Variants in DENND1B observed in about 807,000 individuals in gnomAD.
DENND1B encodes the protein DENN domain containing 1B.
DENND1B carries 59 observed loss-of-function variants against 90.1 expected under a neutral mutation model. The observed-to-expected ratio is 0.65, with a 90% CI of 0.53 to 0.81. DENND1B has a LOEUF of 0.81. Among genes scored for constraint, DENND1B ranks in the 40% least tolerant of loss-of-function variants. The pLI, the probability that DENND1B is intolerant of heterozygous loss-of-function variation, is 0.00. For synonymous variants in DENND1B, 337 were observed against 324.6 expected (o/e 1.04, Z -0.41); for missense variants, 862 against 912.6 (o/e 0.94, Z 0.71).
intron 11 of DENND1B, among the ~76,000 whole-genome samples, chr1:197,612,761 T>C (rs1042980372): frequency 4.6e-5 from 7 of 150,636 alleles, no homozygotes; most frequent in Admixed American, 4.0e-4. Flanking sequence ...TTGGGAACAA[T>C]AATAGACAAT....
chr1:197,723,691 C>T (rs1661390153), intron 2 of DENND1B, among the ~76,000 whole-genome samples: 1 of 152,068 alleles, frequency 6.6e-6, no homozygotes, highest in South Asian at 2.1e-4. Flanking sequence ...CTTAAAGTTG[C>T]TTTAAGATCA....
intron 16 of DENND1B, among the ~76,000 whole-genome samples, chr1:197,548,177 G>A (rs1411738851): frequency 1.3e-5 from 2 of 152,096 alleles, no homozygotes; most frequent in Non-Finnish European, 2.9e-5. Context: ...GAACTATGAG[G>A]AATTTAAAAA....
chr1:197,585,897 G>T (rs1674653813), intron 14 of DENND1B, among the ~76,000 whole-genome samples: 1 of 152,140 alleles, frequency 6.6e-6, no homozygotes. Flanking sequence ...TAAAATCAAA[G>T]TTGAATTGAA....
At chr1:197,714,997 CT>C (rs769021389) in intron 3 of DENND1B, 33 bp downstream of exon 3, 2 of 1,547,318 alleles carry the variant, frequency 1.3e-6, no homozygotes, top group African/African-American at 2.7e-5. Flanking sequence ...AATACTTCAA[CT>C]TTAAATTTTT....
chr1:197,682,181 T>C (rs966457812), intron 3 of DENND1B, among the ~76,000 whole-genome samples: 3 of 152,020 alleles, frequency 2.0e-5, no homozygotes, highest in Admixed American at 2.0e-4. Context: ...TAGCTAGTTC[T>C]TATATTCTGG....
intron 17 of DENND1B, among the ~76,000 whole-genome samples, chr1:197,546,378 T>C (rs956807477): frequency 2.6e-5 from 4 of 152,126 alleles, no homozygotes; most frequent in African/African-American, 7.2e-5. Flanking sequence ...GTTTCATATT[T>C]AAAAATCATA....
chr1:197,521,024 C>T (rs1029582612), intron 20 of DENND1B, among the ~76,000 whole-genome samples: 8 of 151,754 alleles, frequency 5.3e-5, no homozygotes, highest in Non-Finnish European at 1.0e-4. Context: ...AACACTGACC[C>T]TACAGGTGGA....
intron 13 of DENND1B, among the ~76,000 whole-genome samples, chr1:197,600,146 T>A (rs1676069918): frequency 6.6e-6 from 1 of 151,852 alleles, no homozygotes; most frequent in Non-Finnish European, 1.5e-5. Flanking sequence ...TGAGCTTGGC[T>A]GGACCACAAA....
chr1:197,570,512 T>C (rs1017036145), intron 15 of DENND1B, among the ~76,000 whole-genome samples: 3 of 152,210 alleles, frequency 2.0e-5, no homozygotes, highest in African/African-American at 7.2e-5. Flanking sequence ...TCAATTTATG[T>C]CAATAAAATT....
At chr1:197,659,595 T>C (rs1306085402) in intron 5 of DENND1B, among the ~76,000 whole-genome samples, 2 of 151,916 alleles carry the variant, frequency 1.3e-5, no homozygotes, top group East Asian at 3.9e-4. Flanking sequence ...ATAAAAAGGG[T>C]ATATATTAAT....
chr1:197,660,020 C>T (rs1408126617), intron 5 of DENND1B, among the ~76,000 whole-genome samples: 3 of 151,286 alleles, frequency 2.0e-5, no homozygotes, highest in Non-Finnish European at 4.4e-5. Context: ...ATTTAATATC[C>T]TTAGGAGCTG....
At chr1:197,724,192 T>C (rs1661429064) in intron 2 of DENND1B, among the ~76,000 whole-genome samples, 1 of 152,032 alleles carries the variant, frequency 6.6e-6, no homozygotes, top group Non-Finnish European at 1.5e-5. Context: ...ACTACAAAAA[T>C]GACTTAAAGT....
intron 3 of DENND1B, among the ~76,000 whole-genome samples, chr1:197,674,524 C>T (rs1386637129): frequency 6.6e-6 from 1 of 152,082 alleles, no homozygotes; most frequent in East Asian, 1.9e-4. Flanking sequence ...CACAGTCTAG[C>T]CATAGGGACT....
At chr1:197,754,772 T>C (rs1189955111) in intron 2 of DENND1B, among the ~76,000 whole-genome samples, 1 of 151,152 alleles carries the variant, frequency 6.6e-6, no homozygotes, top group Non-Finnish European at 1.5e-5. Flanking sequence ...TAGGATACCA[T>C]GAACAGATGA....
chr1:197,536,913 T>C (rs201273725), intron 20 of DENND1B, among the ~76,000 whole-genome samples: 5 of 151,784 alleles, frequency 3.3e-5, no homozygotes, highest in Admixed American at 6.6e-5. Flanking sequence ...TGGTGGCGGG[T>C]GCCTGTAGTC....
intron 3 of DENND1B, among the ~76,000 whole-genome samples, chr1:197,686,260 T>C (rs1657222386): frequency 6.6e-6 from 1 of 152,208 alleles, no homozygotes; most frequent in Non-Finnish European, 1.5e-5. Context: ...TCTTACATTT[T>C]ACGGAAATAT....
chr1:197,735,018 T>C lies in DENND1B; in HGVS notation c.83-19944A>G, dbSNP rs970224849. ...AAGAACTGGCAGAAAATGTTAAATA[T>C]TTCATTCCTACTTCTGTAGAAAAAG... On this transcript the variant is annotated intron_variant, in intron 2 of 22. Coordinates refer to ENST00000620048, the MANE Select transcript of DENND1B (RefSeq NM_001195215.2). The C allele has an allele frequency of 7.1e-6, 7 of 985,642 alleles. No individual in the cohort carries two copies. In the African/African-American group the frequency reaches 1.2e-4, roughly 17 times the overall value. The allele number at this position is 985,642 out of a possible 1,614,324, so 61.1% of individuals were successfully genotyped here.
chr1:197,523,925 G>C (rs1571730078), intron 20 of DENND1B, among the ~76,000 whole-genome samples: 1 of 147,186 alleles, frequency 6.8e-6, no homozygotes, highest in South Asian at 2.2e-4. Context: ...TGAATAGATG[G>C]AACGATAGCA....
intron 15 of DENND1B, among the ~76,000 whole-genome samples, chr1:197,554,002 C>A (rs1671478332): frequency 6.6e-6 from 1 of 151,898 alleles, no homozygotes; most frequent in African/African-American, 2.4e-5. Context: ...CCTGTTCCAA[C>A]ATACATAGCA....
Sources: gnomAD v4.1 joint callset for allele counts (sites outside exome capture counted in the v4.1 genomes callset) on GRCh38, gnomAD v4.1.1 for gene constraint, MANE v1.5 for transcripts, NCBI Gene and HGNC (gene_info 2026-07-23, HGNC 2026-07-21) for gene names.